RPS3A: variants seen among roughly 807,000 people sequenced by gnomAD.
RPS3A encodes the protein ribosomal protein S3A, also known as small ribosomal subunit protein eS1.
In RPS3A, 1 loss-of-function variant was observed where a neutral mutation model predicts 26.4. The observed-to-expected ratio is 0.04, with a 90% confidence interval of 0.01 to 0.18. The LOEUF (loss-of-function observed/expected upper bound fraction) is 0.18. Ranked by LOEUF, RPS3A falls within the 10% of genes least tolerant of loss-of-function variation. The pLI is 1.00. For synonymous variants in RPS3A, 97 were observed against 106.1 expected (o/e 0.91, Z 0.53); for missense variants, 139 against 326.8 (o/e 0.43, Z 4.43).
chr4:151,102,578 T>C (rs1747174896), intron 3 of RPS3A, among the ~76,000 whole-genome samples: 1 of 152,124 alleles, frequency 6.6e-6, no homozygotes, highest in Non-Finnish European at 1.5e-5. Flanking sequence ...GGTATATGTA[T>C]ATGCAATGGA....
chr4:151,104,461 T>TTTTTCTTTTTG lies in RPS3A; in HGVS notation c.674-10_674-9insTTTCTTTTTGT. On this transcript the variant is annotated splice_polypyrimidine_tract_variant and intron_variant, in intron 5 of 5. Transcript: ENST00000274065. Reference sequence around the variant, plus strand: ...TTGGTTTTTTTTTTTTTTTTTTTTTTTGCCTTTTAGTGGGAAAGCTCATGG... The same window carrying TTTTTCTTTTTG: ...TTGGTTTTTTTTTTTTTTTTTTTTTTTTTTCTTTTTGTGCCTTTTAGTGGGAAAGCTCATGG... 6.8e-7 allele frequency: 1 copy of TTTTTCTTTTTG among 1,468,248 alleles called. No individual in the cohort carries two copies. The highest frequency in any genetic ancestry group is 8.9e-7 in the Non-Finnish European group (1 of 1,118,860). 91.0% of individuals were successfully genotyped at this position (1,468,248 alleles called of 1,614,324 possible).
chr4:151,102,110 T>A (rs763763687), intron 3 of RPS3A: 23 of 516,812 alleles, frequency 4.5e-5, no homozygotes, highest in Non-Finnish European at 8.9e-5. Flanking sequence ...GATTATACCA[T>A]TATATTTATC....
At position 151,104,617 on chromosome 4, in the gene RPS3A, A is replaced by G. The variant is rs1016408230; in HGVS notation, c.*24A>G. 8 of 1,564,846 alleles carry G rather than the reference A, an allele frequency of 5.1e-6. No homozygotes were observed. In the African/African-American group the frequency reaches 1.1e-4, roughly 22 times the overall value. ...AAAGTTCAGACTTCAAATAGTGGCA[A>G]ATAAAAAGTGCTATTTGTGATGGTT... On this transcript the variant is annotated 3_prime_UTR_variant, in exon 6 of 6. Coordinates refer to ENST00000274065, the MANE Select transcript of RPS3A (RefSeq NM_001006.5).
intron 3 of RPS3A, chr4:151,102,120 C>T (rs757243523): frequency 3.9e-5 from 20 of 515,104 alleles, no homozygotes; most frequent in African/African-American, 1.9e-5. Flanking sequence ...TTATATTTAT[C>T]CTGACATTCC....
Position 151,104,461 on chromosome 4 carries a change from T to TTTTTTTTTCTTTTTTTTTA in RPS3A, c.674-10_674-9insTTTTTTTCTTTTTTTTTAT. ...TTGGTTTTTTTTTTTTTTTTTTTTT[T>TTTTTTTTTCTTTTTTTTTA]TGCCTTTTAGTGGGAAAGCTCATGG... On this transcript the variant is annotated splice_polypyrimidine_tract_variant and intron_variant, in intron 5 of 5. Coordinates refer to ENST00000274065, the MANE Select transcript of RPS3A (RefSeq NM_001006.5). The TTTTTTTTTCTTTTTTTTTA allele has an allele frequency of 6.8e-7, 1 of 1,468,248 alleles. No homozygotes were observed. The highest frequency in any genetic ancestry group is 8.9e-7 in the Non-Finnish European group (1 of 1,118,860). 91.0% of individuals were successfully genotyped at this position (1,468,248 alleles called of 1,614,324 possible).
At chr4:151,101,868 G>GA (rs1338082092) in intron 3 of RPS3A, among the ~76,000 whole-genome samples, 1 of 152,058 alleles carries the variant, frequency 6.6e-6, no homozygotes, top group East Asian at 1.9e-4. Context: ...AAGTAGCTGG[G>GA]ATTACAGGCA....
At chr4:151,103,583 G>A in intron 4 of RPS3A, 1 of 1,049,012 alleles carries the variant, frequency 9.5e-7, no homozygotes, top group Non-Finnish European at 1.2e-6. Context: ...TGAAGGACAG[G>A]AAATGTTTTT....
intron 4 of RPS3A, 21 bp from the exon 5 acceptor site, chr4:151,104,156 T>C: frequency 2.5e-6 from 4 of 1,588,452 alleles, no homozygotes; most frequent in Non-Finnish European, 3.4e-6. Flanking sequence ...TAGAAAAAAA[T>C]TTACTGTTAC....
chr4:151,101,311 T>TG, intron 3 of RPS3A, 149 bp downstream of exon 3: 1 of 507,954 alleles, frequency 2.0e-6, no homozygotes, highest in Admixed American at 3.8e-5. Flanking sequence ...TTTGTTTTCT[T>TG]GCCGTTGTTG....
rs372732815 is a variant in RPS3A, at chr4:151,100,955, C to T, written c.167-20C>T. 138 of 1,549,328 alleles carry T rather than the reference C, an allele frequency of 8.9e-5. No individual in the cohort carries two copies. The highest frequency in any genetic ancestry group is 1.2e-4 in the Non-Finnish European group (135 of 1,144,994). ...TATATGGTTCCTAAATGTTAAGATACTTGTTTTTTTCTTTTGTAGAAATTG... is the reference window on the plus strand; with the variant it reads ...TATATGGTTCCTAAATGTTAAGATATTTGTTTTTTTCTTTTGTAGAAATTG... On this transcript the variant is annotated intron_variant, in intron 2 of 5. Transcript: ENST00000274065.
intron 4 of RPS3A, chr4:151,103,332 T>C: frequency 1.5e-6 from 1 of 652,742 alleles, no homozygotes; most frequent in South Asian, 2.6e-5. Flanking sequence ...TGGCTCACTG[T>C]AACCACTGCT....
intron 2 of RPS3A, 44 bp downstream of exon 2, chr4:151,100,632 T>G: frequency 1.8e-6 from 2 of 1,114,952 alleles, no homozygotes; most frequent in Non-Finnish European, 2.7e-6. Flanking sequence ...AAGTTGGCGC[T>G]TGTATATTGT....
At chr4:151,103,976 A>C in intron 4 of RPS3A, 60 of 1,484,828 alleles carry the variant, frequency 4.0e-5, no homozygotes, top group East Asian at 2.4e-4. Flanking sequence ...CTTTGCCACT[A>C]GCTAGCTATG....
At chr4:151,099,830 G>C in intron 1 of RPS3A, 116 bp downstream of exon 1, 1 of 1,194,864 alleles carries the variant, frequency 8.4e-7, no homozygotes, top group Non-Finnish European at 1.2e-6. Context: ...TGTGCGGGCC[G>C]TGGCGGGTTG....
chr4:151,102,827 A>T (rs781400678), intron 3 of RPS3A, 44 bp from the exon 4 acceptor site: 27 of 1,565,322 alleles, frequency 1.7e-5, no homozygotes, highest in Non-Finnish European at 2.3e-5. Context: ...GGATAAATGG[A>T]TAACGTAAAA....
intron 3 of RPS3A, among the ~76,000 whole-genome samples, chr4:151,102,346 AATTGGGT>A (rs200889395): frequency 0.019 from 2,851 of 152,250 alleles, 88 homozygotes; most frequent in African/African-American, 0.064. Context: ...TTAGCTCTGA[AATTGGGT>A]ATTTAATCAT....
chr4:151,102,053 T>G (rs1346636848), intron 3 of RPS3A: 2 of 518,334 alleles, frequency 3.9e-6, no homozygotes, highest in African/African-American at 3.9e-5. Flanking sequence ...ATTTTGTATG[T>G]GGGAATGAAT....
At position 151,101,063 on chromosome 4, in the gene RPS3A, G is replaced by A. The variant is rs1404337049; in HGVS notation, c.255G>A (p.Lys85=). Residue 85 remains lysine (K), a synonymous_variant, in exon 3 of 6, where the codon AAG becomes AAA. Coordinates refer to ENST00000274065, the MANE Select transcript of RPS3A (RefSeq NM_001006.5). ...QNDEVAFRKF[K]LITEDVQGKN... is the part of the protein sequence containing the mutation. The stretch of plus-strand genomic sequence containing the variant: ...ATGAAGTTGCATTTAGAAAATTCAA[G>A]CTGATTACTGAAGATGTTCAGGGTA... The A allele has an allele frequency of 6.3e-7, 1 of 1,594,160 alleles. No homozygotes were observed. Among genetic ancestry groups the A allele is most frequent in the African/African-American group, 1.3e-5 (1 of 74,682 alleles).
intron 3 of RPS3A, among the ~76,000 whole-genome samples, chr4:151,101,860 G>A (rs896664094): frequency 6.6e-6 from 1 of 152,104 alleles, no homozygotes; most frequent in East Asian, 1.9e-4. Flanking sequence ...AGCCTCCCAA[G>A]TAGCTGGGAT....
Sources: gnomAD v4.1 joint callset for allele counts (sites outside exome capture counted in the v4.1 genomes callset) on GRCh38, gnomAD v4.1.1 for gene constraint, MANE v1.5 for transcripts, NCBI Gene and HGNC (gene_info 2026-07-23, HGNC 2026-07-21) for gene names.